Variants in DAPK2 observed in about 807,000 individuals in gnomAD.
The protein encoded by DAPK2 is death associated protein kinase 2.
Under a neutral mutation model 44.1 loss-of-function variants are expected in DAPK2, and 35 were observed. The ratio of observed to expected loss-of-function variants is 0.79; its 90% CI spans 0.61 to 1.05. The LOEUF is 1.05. Among genes scored for constraint, DAPK2 ranks in the 50% least tolerant of loss-of-function variants. The pLI, the probability that DAPK2 is intolerant of heterozygous loss-of-function variation, is 0.00. For synonymous variants in DAPK2, 174 were observed against 182.6 expected, an observed-to-expected ratio of 0.95 and a Z score of 0.38; for missense variants, 453 against 483.2, an observed-to-expected ratio of 0.94 and a Z score of 0.59.
chr15:63,989,335 G>A (rs1489620218), intron 1 of DAPK2, among the ~76,000 whole-genome samples: 2 of 152,022 alleles, frequency 1.3e-5, no homozygotes, highest in African/African-American at 2.4e-5. Context: ...TCATACCACT[G>A]CACTTCAGCC....
rs2079150482 is a variant in DAPK2, at chr15:63,923,574, G to C, written c.858+1242C>G. ...AGGGCAGAAGGGTCCACAGCCATTAGAGAGAGCTCCACACACATAGCATTT... is the reference window on the plus strand; with the variant it reads ...AGGGCAGAAGGGTCCACAGCCATTACAGAGAGCTCCACACACATAGCATTT... On this transcript the variant is annotated intron_variant, in intron 8 of 10. Transcript: ENST00000261891. This position sits in a 1 kb window ranked among gnomAD's most constrained non-coding sequence, Gnocchi z 4.2. 6.6e-6 allele frequency among the ~76,000 whole-genome samples: 1 copy of C among 152,194 alleles called. No individual in the cohort carries two copies. Among genetic ancestry groups the C allele is most frequent in the Non-Finnish European group, 1.5e-5 (1 of 68,036 alleles).
Position 63,939,409 on chromosome 15 carries a change from A to C in DAPK2, c.454-48T>G. 6.4e-7 allele frequency: 1 copy of C among 1,553,994 alleles called. No homozygotes were observed. Among genetic ancestry groups the C allele is most frequent in the Non-Finnish European group, 8.6e-7 (1 of 1,156,424 alleles). ...AAAAAAAAGGAAGGAAGAAAAGAAA[A>C]AAAAAGACGGTAATTAAAGGCTGGT... On this transcript the variant is annotated intron_variant, in intron 3 of 10. Coordinates refer to ENST00000261891, the Ensembl canonical transcript of DAPK2. This position sits in a 1 kb window ranked among gnomAD's most constrained non-coding sequence, Gnocchi z 4.3.
chr15:63,962,241 G>A (rs927645849), intron 3 of DAPK2, among the ~76,000 whole-genome samples: 10 of 152,250 alleles, frequency 6.6e-5, no homozygotes, highest in South Asian at 2.1e-4. Context: ...TCAGCCATTC[G>A]TCTAATCTTT....
intron 1 of DAPK2, among the ~76,000 whole-genome samples, chr15:64,021,006 T>A (rs1047576656): frequency 2.0e-5 from 3 of 152,252 alleles, no homozygotes; most frequent in African/African-American, 7.2e-5. Flanking sequence ...TCCGTGGCGA[T>A]GGGCCAGATG....
chr15:63,978,511 C>T (rs535664218), intron 2 of DAPK2, among the ~76,000 whole-genome samples: 1 of 152,148 alleles, frequency 6.6e-6, no homozygotes, highest in Non-Finnish European at 1.5e-5. Context: ...ACATGGTCTC[C>T]TTGGGATGAA....
chr15:63,963,164 A>T (rs1434640030), intron 3 of DAPK2, among the ~76,000 whole-genome samples: 1 of 152,302 alleles, frequency 6.6e-6, no homozygotes, highest in African/African-American at 2.4e-5. Context: ...CACGGGATAC[A>T]ATCTCCTGGT....
intron 2 of DAPK2, among the ~76,000 whole-genome samples, chr15:63,979,548 T>C (rs950726364): frequency 7.9e-5 from 12 of 152,148 alleles, no homozygotes; most frequent in Non-Finnish European, 1.8e-4. Flanking sequence ...CACTAACCTA[T>C]TAGGGCCCAG....
At chr15:64,019,441 T>C (rs1055727873) in intron 1 of DAPK2, among the ~76,000 whole-genome samples, 9 of 152,248 alleles carry the variant, frequency 5.9e-5, no homozygotes, top group African/African-American at 1.9e-4. Flanking sequence ...CAGTGTCCAG[T>C]AGGCAAAACA....
chr15:63,994,416 AG>A (rs2078894815), intron 1 of DAPK2, among the ~76,000 whole-genome samples: 2 of 26,188 alleles, frequency 7.6e-5, no homozygotes, highest in Non-Finnish European at 2.3e-4. Context: ...AAGAAAAGGA[AG>A]GAAGGAAGGA....
At chr15:64,034,659 CGTTT>C (rs59747658) in intron 1 of DAPK2, among the ~76,000 whole-genome samples, 124,553 of 151,720 alleles carry the variant, frequency 0.82, 51,455 homozygotes, top group East Asian at 0.92. Flanking sequence ...TCTGTTTGTT[CGTTT>C]GTTTGTTTAA....
At chr15:64,034,319 G>A (rs1286646161) in intron 1 of DAPK2, among the ~76,000 whole-genome samples, 3 of 152,190 alleles carry the variant, frequency 2.0e-5, no homozygotes, top group Non-Finnish European at 4.4e-5. Context: ...CCTAACCACA[G>A]ATGATCCCAT....
chr15:63,922,527 C>A, intron 8 of DAPK2: 1 of 1,359,212 alleles, frequency 7.4e-7, no homozygotes, highest in Non-Finnish European at 9.5e-7. Context: ...CCTGCCAGAG[C>A]CCTCCCAGAA....
chr15:64,024,810 C>T (rs554934393), intron 1 of DAPK2, among the ~76,000 whole-genome samples: 1 of 152,200 alleles, frequency 6.6e-6, no homozygotes, highest in Non-Finnish European at 1.5e-5. Context: ...GTGGGGCCTG[C>T]CCCCAGGGTG....
At chr15:63,910,189 C>T (rs952507885) in intron 10 of DAPK2, among the ~76,000 whole-genome samples, 4 of 152,208 alleles carry the variant, frequency 2.6e-5, no homozygotes, top group Non-Finnish European at 5.9e-5. Flanking sequence ...CAGCCAGAGC[C>T]GGCACAGGGC....
Position 63,987,115 on chromosome 15 carries a change from C to T in DAPK2, c.93-3361G>A, listed in dbSNP as rs150372222. On this transcript the variant is annotated intron_variant, in intron 1 of 10. Transcript: ENST00000261891. Reference sequence around the variant, plus strand: ...CAAGGCAGAAGATTACTCTAGCTTTCGGAGGATAACAGGAGTGAAAATTTG... The same window carrying T: ...CAAGGCAGAAGATTACTCTAGCTTTTGGAGGATAACAGGAGTGAAAATTTG... 3.7e-3 allele frequency among the ~76,000 whole-genome samples: 564 copies of T among 152,186 alleles called. 3 individuals are homozygous for T. The highest frequency in any genetic ancestry group is 0.013 in the African/African-American group (541 of 41,504).
chr15:63,998,919 C>A (rs2079016508), intron 1 of DAPK2, among the ~76,000 whole-genome samples: 2 of 152,158 alleles, frequency 1.3e-5, no homozygotes, highest in African/African-American at 4.8e-5. Flanking sequence ...GGAAGAACCA[C>A]CAAATATTGG....
At chr15:64,009,161 C>G (rs573657992) in intron 1 of DAPK2, among the ~76,000 whole-genome samples, 16 of 152,238 alleles carry the variant, frequency 1.1e-4, no homozygotes, top group East Asian at 5.8e-4. Flanking sequence ...AATTGTCCAG[C>G]CTTGTACCCC....
rs2078820063 is a variant in DAPK2, at chr15:63,912,303, G to C, written c.859-106C>G. Reference sequence around the variant, plus strand: ...ACCGCATGCCCACCGCCCTTGGCTTGACCCTGGCATCTCCCCGCCAGGTGG... The same window carrying C: ...ACCGCATGCCCACCGCCCTTGGCTTCACCCTGGCATCTCCCCGCCAGGTGG... On this transcript the variant is annotated intron_variant, in intron 8 of 10. Transcript: ENST00000261891. The surrounding 1 kb of genome is among the most constrained non-coding windows in gnomAD (Gnocchi z 4.4). 2 of 1,114,962 alleles carry C rather than the reference G, an allele frequency of 1.8e-6. No individual in the cohort carries two copies. Among genetic ancestry groups the C allele is most frequent in the Admixed American group, 3.8e-5 (2 of 51,972 alleles). The allele number at this position is 1,114,962 out of a possible 1,614,324, so 69.1% of individuals were successfully genotyped here. A position where few individuals can be genotyped will look rare whatever the true frequency, so the allele number is the denominator to read the frequency against.
chr15:63,975,381 A>G (rs1388070034), intron 2 of DAPK2, among the ~76,000 whole-genome samples: 1 of 152,160 alleles, frequency 6.6e-6, no homozygotes, highest in African/African-American at 2.4e-5. Flanking sequence ...CACATACTCT[A>G]TGTTACATGC....
Sources: allele counts gnomAD v4.1 joint callset (sites outside exome capture counted in the v4.1 genomes callset), GRCh38; gene constraint gnomAD v4.1.1; non-coding constraint Gnocchi (gnomAD v3.1); transcripts MANE v1.5; gene names NCBI Gene and HGNC (gene_info 2026-07-23, HGNC 2026-07-21).